DLX3: variants seen among roughly 807,000 people sequenced by gnomAD.
The protein encoded by DLX3 is distal-less homeobox 3, also known as homeobox protein DLX-3.
Under a neutral mutation model 28.0 loss-of-function variants are expected in DLX3, and 9 were observed. That is an observed-to-expected ratio of 0.32 (90% CI 0.19 to 0.56). The LOEUF (loss-of-function observed/expected upper bound fraction) is 0.56, where lower values mean the gene tolerates loss of function less well. Ranked by LOEUF, DLX3 falls within the 20% of genes least tolerant of loss-of-function variation. The probability of loss-of-function intolerance (pLI) is 0.91; values close to 1 mark genes in which losing one functional copy is unlikely to be tolerated. For synonymous variants in DLX3, 154 were observed against 167.9 expected (o/e 0.92, Z 0.64); for missense variants, 313 against 378.2 (o/e 0.83, Z 1.43).
chr17:49,991,657 T>C lies in DLX3; in HGVS notation c.724A>G (p.Ser242Gly), dbSNP rs373417517. 3.1e-6 allele frequency: 5 copies of C among 1,613,386 alleles called. No homozygotes were observed. The East Asian group carries it at 1.1e-4, about 36-fold the overall frequency. ...PPPLPYSASP[S>G]YLDDPTNSWY... ...GAGTTGGTGGGGTCGTCCAGGTAGC[T>C]GGGGGAGGCACTGTATGGGAGCGGC... The change falls in exon 3 of 3, where the codon AGC becomes GGC. Residue 242 changes from serine to glycine, a missense_variant. Ser to Gly is a moderately conservative substitution (Grantham distance 56, BLOSUM62 0). Coordinates refer to ENST00000434704, the MANE Select transcript of DLX3 (RefSeq NM_005220.3).
Position 49,995,035 on chromosome 17 carries a change from G to T in DLX3, c.-37C>A. On this transcript the variant is annotated 5_prime_UTR_variant, in exon 1 of 3. Transcript: ENST00000434704. ...CTGCACCTCCCCAGGGCTGGCCTCC[G>T]CAGAGGACAGGAACGGACCGGAGTG... 1 of 1,601,600 alleles carries T rather than the reference G, an allele frequency of 6.2e-7. No individual in the cohort carries two copies.
Position 49,994,678 on chromosome 17 carries a change from G to A in DLX3, c.321C>T (p.Asp107=), listed in dbSNP as rs1455539679. The change falls in exon 1 of 3, where the codon GAC becomes GAT. Residue 107 remains aspartate (D), a synonymous_variant. Transcript: ENST00000434704. ...AYREQPLPAQ[D]PVSVKEEPEA... is the part of the protein sequence containing the mutation. ...TCGCGACCCCGTGGCCCTCACCTGG[G>A]TCCTGGGCTGGCAGCGGCTGCTCCC... is the stretch of plus-strand genomic sequence containing the variant. The A allele has an allele frequency of 6.2e-7, 1 of 1,614,130 alleles. No individual in the cohort carries two copies. Among genetic ancestry groups the A allele is most frequent in the Non-Finnish European group, 8.5e-7 (1 of 1,180,034 alleles).
In DLX3 at chr17:49,991,533, G is replaced by C; in HGVS notation, c.848C>G (p.Pro283Arg). 6.2e-7 allele frequency: 1 copy of C among 1,606,078 alleles called. No homozygotes were observed. Among genetic ancestry groups the C allele is most frequent in the Non-Finnish European group, 8.5e-7 (1 of 1,179,028 alleles). Reference protein sequence around the residue: ...HHASPGPPPNPGAVY With the variant: ...HHASPGPPPNRGAVY ...GATGGGTGCTCAGTACACAGCCCCA[G>C]GGTTGGGCGGGGGCCCGGGAGAGGC... Residue 283 changes from proline (P) to arginine (R), a missense_variant, in exon 3 of 3, where the codon CCT becomes CGT. Pro to Arg is a moderately radical substitution (Grantham distance 103, BLOSUM62 -2). This residue lies in a region of DLX3 where 120 missense variants were observed against 145.4 expected (regional missense o/e 0.83). Coordinates refer to ENST00000434704, the MANE Select transcript of DLX3 (RefSeq NM_005220.3).
chr17:49,993,422 T>A lies in DLX3; in HGVS notation c.494A>T (p.Gln165Leu). ...AACCTGTGTCTGCGTGAGGCCCAGCTGCGCGGCCAGCTCGGCGCGCTCGGG... is the reference window on the plus strand; with the variant it reads ...AACCTGTGTCTGCGTGAGGCCCAGCAGCGCGGCCAGCTCGGCGCGCTCGGG... ...ALPERAELAA[Q>L]LGLTQTQVKI... The change falls in exon 2 of 3, where the codon CAG (glutamine) becomes CTG (leucine). Residue 165 changes from glutamine (Q) to leucine (L), a missense_variant. This residue lies in a region of DLX3 where 10 missense variants were observed against 35.2 expected (regional missense o/e 0.28). Transcript: ENST00000434704. The A allele has an allele frequency of 6.2e-7, 1 of 1,607,446 alleles. No homozygotes were observed. The highest frequency in any genetic ancestry group is 8.5e-7 in the Non-Finnish European group (1 of 1,178,832).
At chr17:49,993,313 C>T (rs1906158413) in intron 2 of DLX3, 87 bp downstream of exon 2, 2 of 1,395,398 alleles carry the variant, frequency 1.4e-6, no homozygotes, top group African/African-American at 2.9e-5. Context: ...GCCCGCAGGG[C>T]CCTTCAGTGG....
chr17:49,992,922 T>C (rs1272081625), intron 2 of DLX3, among the ~76,000 whole-genome samples: 1 of 152,146 alleles, frequency 6.6e-6, no homozygotes, highest in East Asian at 1.9e-4. Flanking sequence ...GAACATGCAT[T>C]CAGAACGCAT....
At position 49,991,804 on chromosome 17, in the gene DLX3, C is replaced by T. The variant is rs1906101839; in HGVS notation, c.577G>A (p.Val193Met). 3 of 1,614,070 alleles carry T rather than the reference C, an allele frequency of 1.9e-6. No homozygotes were observed. Among genetic ancestry groups the T allele is most frequent in the Non-Finnish European group, 2.5e-6 (3 of 1,180,016 alleles). Residue 193 changes from valine (V) to methionine (M), a missense_variant, in exon 3 of 3, where the codon GTG becomes ATG. Physicochemically the swap from Val to Met is conservative, Grantham distance 21 (BLOSUM62 1). Transcript: ENST00000434704. The part of the protein sequence containing the change: ...KFKKLYKNGE[V>M]PLEHSPNNSD... ...TTATTGGGACTGTGCTCCAGCGGCA[C>T]CTCCCCGTTCTTGTAGAGTTTCTTG...
rs757222424 is a variant in DLX3 at position 49,991,568 on chromosome 17, G to T, written c.813C>A (p.Thr271=). 9 of 1,612,332 alleles carry T rather than the reference G, an allele frequency of 5.6e-6. No homozygotes were observed. In the Admixed American group the frequency reaches 1.3e-4, roughly 24 times the overall value. The change falls in exon 3 of 3, where the codon ACC becomes ACA. Residue 271 remains threonine, a synonymous_variant. Transcript: ENST00000434704. ...HLQQQPPQPA[T]LHHASPGPPP... Reference sequence around the variant, plus strand: ...GGGGCCCGGGAGAGGCATGGTGCAGGGTGGCTGGCTGAGGCGGCTGCTGCT... The same window carrying T: ...GGGGCCCGGGAGAGGCATGGTGCAGTGTGGCTGGCTGAGGCGGCTGCTGCT...
In DLX3 at chr17:49,990,691, A is replaced by C. The variant is rs529110648; in HGVS notation, c.*826T>G. On this transcript the variant is annotated 3_prime_UTR_variant, in exon 3 of 3. Transcript: ENST00000434704. Reference sequence around the variant, plus strand: ...AGGGACAGAACAGAGGCACCCTTGCAAGGGGAGACTTGGCCCTATCTGTGA... The same window carrying C: ...AGGGACAGAACAGAGGCACCCTTGCCAGGGGAGACTTGGCCCTATCTGTGA... 1 of 152,780 alleles carries C rather than the reference A, an allele frequency of 6.5e-6. No individual in the cohort carries two copies. Among genetic ancestry groups the C allele is most frequent in the South Asian group, 2.1e-4 (1 of 4,826 alleles). The allele number at this position is 152,780 out of a possible 1,614,324, so 9.5% of individuals were successfully genotyped here.
rs141225938 is a variant in DLX3 at position 49,991,682 on chromosome 17, C to G, written c.699G>C (p.Pro233=). The G allele has an allele frequency of 3.7e-6, 6 of 1,613,046 alleles. No individual in the cohort carries two copies. In the Admixed American group the frequency reaches 1.0e-4, roughly 27 times the overall value. ...TPAPARSQLP[P]PLPYSASPSY... ...TGGGGGAGGCACTGTATGGGAGCGGCGGGGGCAGCTGACTGCGGGCAGGGG... is the reference window on the plus strand; with the variant it reads ...TGGGGGAGGCACTGTATGGGAGCGGGGGGGGCAGCTGACTGCGGGCAGGGG... The change falls in exon 3 of 3, where the codon CCG becomes CCC. Residue 233 remains proline (P), a synonymous_variant. Coordinates refer to ENST00000434704, the MANE Select transcript of DLX3 (RefSeq NM_005220.3).
At chr17:49,991,893 T>G (rs760993374) in intron 2 of DLX3, 29 bp from the exon 3 acceptor site, 6 of 1,605,064 alleles carry the variant, frequency 3.7e-6, no homozygotes, top group Non-Finnish European at 5.1e-6. Flanking sequence ...GGGTAGCTAG[T>G]TAGCCTCTCA....
At chr17:49,992,611 C>A (rs1264432277) in intron 2 of DLX3, among the ~76,000 whole-genome samples, 4 of 152,122 alleles carry the variant, frequency 2.6e-5, no homozygotes, top group Non-Finnish European at 5.9e-5. Context: ...CACTCCCCAC[C>A]CCATGACTGG....
In DLX3 at chr17:49,994,870, G is replaced by A; in HGVS notation, c.129C>T (p.Tyr43=). 1 of 1,614,246 alleles carries A rather than the reference G, an allele frequency of 6.2e-7. No individual in the cohort carries two copies. The highest frequency in any genetic ancestry group is 8.5e-7 in the Non-Finnish European group (1 of 1,180,054). ...AGTAGTAATCGTGCTGGGGAGCGCT[G>A]TAGTAGCCCAGGTCAGTGACAGAAG... The part of the protein sequence containing the change: ...PESSVTDLGY[Y]SAPQHDYYSG... Residue 43 remains tyrosine, a synonymous_variant, in exon 1 of 3, where the codon TAC becomes TAT. Transcript: ENST00000434704.
intron 1 of DLX3, among the ~76,000 whole-genome samples, chr17:49,993,988 C>T (rs1392446881): frequency 1.3e-5 from 2 of 152,072 alleles, no homozygotes; most frequent in African/African-American, 4.8e-5. Flanking sequence ...TTCCCGTCCG[C>T]CCCCCGCCCT....
chr17:49,993,615 G>A (rs116948493), intron 1 of DLX3, 25 bp from the exon 2 acceptor site: 28,342 of 1,610,680 alleles, frequency 0.018, 316 homozygotes, highest in Middle Eastern at 0.02. Context: ...CCGGGCGGAA[G>A]AGGGGGCGGT....
rs761850712 is a variant in DLX3, at chr17:49,991,878, GA to G, written c.517-15del. The G allele has an allele frequency of 6.2e-7, 1 of 1,611,858 alleles. No individual in the cohort carries two copies. Among genetic ancestry groups the G allele is most frequent in the South Asian group, 1.1e-5 (1 of 91,004 alleles). ...CCAGATTTTCACCTGGGCCAGAGAA[GA>G]AAGGGGTAGCTAGTTAGCCTCTCAG... On this transcript the variant is annotated splice_polypyrimidine_tract_variant and intron_variant, in intron 2 of 2. Coordinates refer to ENST00000434704, the MANE Select transcript of DLX3 (RefSeq NM_005220.3).
intron 1 of DLX3, 96 bp from the exon 2 acceptor site, chr17:49,993,686 G>C (rs1906181069): frequency 1.4e-6 from 2 of 1,395,374 alleles, no homozygotes; most frequent in African/African-American, 3.0e-5. Flanking sequence ...CCTCGCTTCC[G>C]CCCACCGACT....
chr17:49,991,230 C>T lies in DLX3; in HGVS notation c.*287G>A, dbSNP rs1420611545. ...AGATGATGAGCCATTTAAAGCCAAT[C>T]CAGGCTCCTGGAGCAGGTAGGGGAA... is the stretch of plus-strand genomic sequence containing the variant. On this transcript the variant is annotated 3_prime_UTR_variant, in exon 3 of 3. Coordinates refer to ENST00000434704, the MANE Select transcript of DLX3 (RefSeq NM_005220.3). 8 of 429,732 alleles carry T rather than the reference C, an allele frequency of 1.9e-5. No homozygotes were observed. The highest frequency in any genetic ancestry group is 2.9e-5 in the Non-Finnish European group (7 of 242,940). The allele number at this position is 429,732 out of a possible 1,614,324, so 26.6% of individuals were successfully genotyped here. A position where few individuals can be genotyped will look rare whatever the true frequency, so the allele number is the denominator to read the frequency against.
chr17:49,991,669 T>C lies in DLX3; in HGVS notation c.712A>G (p.Ser238Gly). 6.2e-7 allele frequency: 1 copy of C among 1,613,604 alleles called. No homozygotes were observed. Among genetic ancestry groups the C allele is most frequent in the Non-Finnish European group, 8.5e-7 (1 of 1,179,860 alleles). Residue 238 changes from serine (S) to glycine (G), a missense_variant, in exon 3 of 3, where the codon AGT becomes GGT. Transcript: ENST00000434704. ...TCGTCCAGGTAGCTGGGGGAGGCAC[T>C]GTATGGGAGCGGCGGGGGCAGCTGA... ...RSQLPPPLPYSASPSYLDDPT... is the reference protein window; with the variant it reads ...RSQLPPPLPYGASPSYLDDPT...
Sources: allele counts gnomAD v4.1 joint callset (sites outside exome capture counted in the v4.1 genomes callset), GRCh38; gene constraint gnomAD v4.1.1; regional missense constraint gnomAD v4.1.1; transcripts MANE v1.5; gene names NCBI Gene and HGNC (gene_info 2026-07-23, HGNC 2026-07-21).